The following FSTL5 variants were observed in gnomAD, a reference collection of about 807,000 sequenced individuals.
The protein encoded by FSTL5 is follistatin like 5, also known as follistatin-related protein 5.
Under a neutral mutation model 89.1 loss-of-function variants are expected in FSTL5, and 62 were observed. The ratio of observed to expected loss-of-function variants is 0.70; its 90% CI spans 0.57 to 0.86. FSTL5 has a LOEUF of 0.86. FSTL5 is among the 40% of genes least tolerant of loss of function. The pLI, the probability that FSTL5 is intolerant of heterozygous loss-of-function variation, is 0.00. For missense variants in FSTL5, 1,057 were observed against 1,001.6 expected (o/e 1.06, Z -0.75); for synonymous variants, 383 against 346.2 (o/e 1.11, Z -1.18).
chr4:161,836,052 C>A (rs931276882), intron 4 of FSTL5, among the ~76,000 whole-genome samples: 2 of 152,080 alleles, frequency 1.3e-5, no homozygotes, highest in Non-Finnish European at 2.9e-5. Context: ...TTGGAAACAA[C>A]CCAAATGTCC....
intron 6 of FSTL5, among the ~76,000 whole-genome samples, chr4:161,673,807 T>A (rs1737203611): frequency 6.6e-6 from 1 of 151,956 alleles, no homozygotes; most frequent in Non-Finnish European, 1.5e-5. Context: ...TATTTTTATA[T>A]TCATATTAAA....
rs568178199 is a variant in FSTL5, at chr4:161,465,126, C to T, written c.1609-5807G>A. 7.2e-5 allele frequency among the ~76,000 whole-genome samples: 11 copies of T among 152,154 alleles called. No individual in the cohort carries two copies. The South Asian group carries it at 2.3e-3, about 32-fold the overall frequency. ...ATATGTTACCTGACCATCCAATATA[C>T]AGATAAATTCAGGCCTTCAATATTG... On this transcript the variant is annotated intron_variant, in intron 13 of 15. Coordinates refer to ENST00000306100, the MANE Select transcript of FSTL5 (RefSeq NM_020116.5).
chr4:161,979,167 T>C (rs465805), intron 3 of FSTL5, among the ~76,000 whole-genome samples: 11,791 of 152,186 alleles, frequency 0.077, 1,273 homozygotes, highest in African/African-American at 0.24. Flanking sequence ...AGGCTTGAAA[T>C]GTCCTAGCCC....
intron 6 of FSTL5, among the ~76,000 whole-genome samples, chr4:161,693,005 A>C (rs546843803): frequency 2.0e-4 from 31 of 152,282 alleles, no homozygotes; most frequent in African/African-American, 5.3e-4. Context: ...TACGGGTGTG[A>C]GCCACTACGC....
At chr4:162,095,136 T>C (rs1014225947) in intron 2 of FSTL5, among the ~76,000 whole-genome samples, 6 of 152,000 alleles carry the variant, frequency 3.9e-5, no homozygotes, top group Admixed American at 3.9e-4. Context: ...CAAAAATGAG[T>C]TTATTATACT....
intron 1 of FSTL5, among the ~76,000 whole-genome samples, chr4:162,128,997 T>C (rs1732190599): frequency 1.3e-5 from 2 of 150,040 alleles, no homozygotes; most frequent in African/African-American, 5.0e-5. Flanking sequence ...TCTGGGCGGC[T>C]CGCTGCAACC....
At chr4:161,988,890 C>G (rs1406910427) in intron 3 of FSTL5, among the ~76,000 whole-genome samples, 1 of 152,080 alleles carries the variant, frequency 6.6e-6, no homozygotes, top group Non-Finnish European at 1.5e-5. Context: ...GTGCATATAT[C>G]AAGTAGCCCT....
chr4:161,616,530 T>C (rs903705264), intron 7 of FSTL5, among the ~76,000 whole-genome samples: 2 of 152,210 alleles, frequency 1.3e-5, no homozygotes, highest in African/African-American at 4.8e-5. Flanking sequence ...CTGGCTTCCT[T>C]GCTCCTCAGC....
chr4:161,427,720 C>T lies in FSTL5; in HGVS notation c.1841+27284G>A, dbSNP rs77845356. ...ATAAAACACACATATATAAATGATA[C>T]GTAAAGACAATGTCTGATAACAATT... On this transcript the variant is annotated intron_variant, in intron 15 of 15. Transcript: ENST00000306100. Among the ~76,000 whole-genome samples, 1,306 of 152,112 alleles carry T rather than the reference C, an allele frequency of 8.6e-3. 17 individuals carry two copies. The highest frequency in any genetic ancestry group is 0.028 in the African/African-American group (1,182 of 41,504).
In FSTL5 at chr4:161,482,919, C is replaced by T. The variant is rs144521786; in HGVS notation, c.1459-1750G>A. Among the ~76,000 whole-genome samples the T allele has an allele frequency of 3.9e-3, 596 of 152,310 alleles. 9 individuals carry two copies. In the South Asian group the frequency reaches 0.045, roughly 12 times the overall value. ...TCTCTTCTAAACAGCACAGATTGTT[C>T]TAAGCTTCTAAGACATAAGCGGAAA... On this transcript the variant is annotated intron_variant, in intron 12 of 15. Coordinates refer to ENST00000306100, the MANE Select transcript of FSTL5 (RefSeq NM_020116.5).
intron 2 of FSTL5, among the ~76,000 whole-genome samples, chr4:162,044,455 G>A (rs914427128): frequency 6.6e-6 from 1 of 152,156 alleles, no homozygotes; most frequent in Non-Finnish European, 1.5e-5. Context: ...CGTTTATAGA[G>A]CACAGAGTGA....
rs565878765 is a variant in FSTL5 at position 161,504,688 on chromosome 4, T to C, written c.1340-4554A>G. On this transcript the variant is annotated intron_variant, in intron 11 of 15. Transcript: ENST00000306100. ...CCTGCAGTCTTACAAGACAGAAGTA[T>C]TTCCCAGAGGATTTTCTAATCAATA... Among the ~76,000 whole-genome samples the C allele has an allele frequency of 4.7e-4, 71 of 152,082 alleles. No individual in the cohort carries two copies. In the South Asian group the frequency reaches 0.014, roughly 30 times the overall value.
At chr4:162,018,617 T>C (rs1012720002) in intron 3 of FSTL5, among the ~76,000 whole-genome samples, 8 of 148,918 alleles carry the variant, frequency 5.4e-5, no homozygotes, top group African/African-American at 2.0e-4. Flanking sequence ...ACATAATATT[T>C]GTGTTTTGTG....
At chr4:162,071,469 A>G (rs1197705323) in intron 2 of FSTL5, among the ~76,000 whole-genome samples, 1 of 151,758 alleles carries the variant, frequency 6.6e-6, no homozygotes, top group Non-Finnish European at 1.5e-5. Flanking sequence ...ATATGCACTC[A>G]ATACCAAAGC....
At chr4:161,573,412 CAAAA>C (rs59381258) in intron 8 of FSTL5, among the ~76,000 whole-genome samples, 32,444 of 119,774 alleles carry the variant, frequency 0.27, 3,916 homozygotes, top group Middle Eastern at 0.42. Context: ...AAAACCCTGT[CAAAA>C]AAAAAAAAAA....
chr4:161,657,918 A>G (rs1397451482), intron 6 of FSTL5, among the ~76,000 whole-genome samples: 1 of 152,156 alleles, frequency 6.6e-6, no homozygotes, highest in Non-Finnish European at 1.5e-5. Context: ...CTCTAAACCT[A>G]AAGTCACGCT....
intron 4 of FSTL5, among the ~76,000 whole-genome samples, chr4:161,849,566 A>G (rs1731488041): frequency 6.6e-6 from 1 of 150,628 alleles, no homozygotes. Context: ...CACACATAGA[A>G]TTCTCAAATT....
At chr4:161,601,702 C>T (rs1578958172) in intron 7 of FSTL5, among the ~76,000 whole-genome samples, 1 of 152,046 alleles carries the variant, frequency 6.6e-6, no homozygotes, top group South Asian at 2.1e-4. Context: ...GGACCAGGCA[C>T]AATCAAGAAT....
intron 3 of FSTL5, among the ~76,000 whole-genome samples, chr4:162,015,680 A>T (rs1360760374): frequency 6.6e-6 from 1 of 152,192 alleles, no homozygotes; most frequent in Non-Finnish European, 1.5e-5. Context: ...GTGAAAACAA[A>T]TAACTAACTA....
Sources: gnomAD v4.1 joint callset for allele counts (sites outside exome capture counted in the v4.1 genomes callset) on GRCh38, gnomAD v4.1.1 for gene constraint, MANE v1.5 for transcripts, NCBI Gene and HGNC (gene_info 2026-07-23, HGNC 2026-07-21) for gene names.